Variants in TP53INP2 observed in about 807,000 individuals in gnomAD.
TP53INP2 encodes the protein tumor protein p53-inducible nuclear protein 2.
In TP53INP2, 12 loss-of-function variants were observed where a neutral mutation model predicts 17.1. The ratio of observed to expected loss-of-function variants is 0.70; its 90% CI spans 0.45 to 1.14. TP53INP2 has a LOEUF of 1.14. TP53INP2 is among the 50% of genes most tolerant of loss of function. The pLI, the probability that TP53INP2 is intolerant of heterozygous loss-of-function variation, is 0.00. For missense variants in TP53INP2, 342 were observed against 330.9 expected, an observed-to-expected ratio of 1.03 and a Z score of -0.26; for synonymous variants, 145 against 147.3, an observed-to-expected ratio of 0.98 and a Z score of 0.12.
In TP53INP2 at chr20:34,709,810, G is replaced by A. The variant is rs1161121645; in HGVS notation, c.414-248G>A. 6.6e-6 allele frequency among the ~76,000 whole-genome samples: 1 copy of A among 152,142 alleles called. No homozygotes were observed. Among genetic ancestry groups the A allele is most frequent in the Non-Finnish European group, 1.5e-5 (1 of 68,008 alleles). ...GGAGCGTGGCTGGAGCGCCTAGGGA[G>A]TGGGACTTAAACAGAAAGGCAAGGG... On this transcript the variant is annotated intron_variant, in intron 4 of 4. Coordinates refer to ENST00000374810, the MANE Select transcript of TP53INP2 (RefSeq NM_021202.3). The surrounding 1 kb of genome is among the most constrained non-coding windows in gnomAD (Gnocchi z 5.4).
Position 34,710,004 on chromosome 20 carries a change from T to TGGG in TP53INP2, c.414-54_414-53insGGG. ...AAGGGTGGGAGATGGCAGCGCCCTC[T>TGGG]AGACCCCCCGCCCAGCTTACCCGGC... is the stretch of plus-strand genomic sequence containing the variant. On this transcript the variant is annotated intron_variant, in intron 4 of 4. Transcript: ENST00000374810. This position sits in a 1 kb window ranked among gnomAD's most constrained non-coding sequence, Gnocchi z 4.9. 1 of 497,152 alleles carries TGGG rather than the reference T, an allele frequency of 2.0e-6. No individual in the cohort carries two copies. The highest frequency in any genetic ancestry group is 2.7e-6 in the Non-Finnish European group (1 of 376,024). 30.8% of individuals were successfully genotyped at this position (497,152 alleles called of 1,614,324 possible). A position where few individuals can be genotyped will look rare whatever the true frequency, so the allele number is the denominator to read the frequency against.
At position 34,710,218 on chromosome 20, in the gene TP53INP2, C is replaced by A; in HGVS notation, c.574C>A (p.Gln192Lys). The change falls in exon 5 of 5, where the codon CAG becomes AAG. Residue 192 changes from glutamine to lysine, a missense_variant. By Grantham distance (53) the Gln-to-Lys change is moderately conservative (BLOSUM62 1). Coordinates refer to ENST00000374810, the MANE Select transcript of TP53INP2 (RefSeq NM_021202.3). This position sits in a 1 kb window ranked among gnomAD's most constrained non-coding sequence, Gnocchi z 4.9. The stretch of plus-strand genomic sequence containing the variant: ...GCTGAGCGCCAAGGCGGTGCAGCGG[C>A]AGAACCGAGCCCGCGAGAGCCGTCC... Reference protein sequence around the residue: ...HALSAKAVQRQNRARESRPRR... With the variant: ...HALSAKAVQRKNRARESRPRR... 6.7e-7 allele frequency: 1 copy of A among 1,486,556 alleles called. No individual in the cohort carries two copies. The highest frequency in any genetic ancestry group is 9.0e-7 in the Non-Finnish European group (1 of 1,109,088). The allele number at this position is 1,486,556 out of a possible 1,614,324, so 92.1% of individuals were successfully genotyped here.
In TP53INP2 at chr20:34,709,267, C is replaced by A. The variant is rs1460969807; in HGVS notation, c.156C>A (p.Ala52=). ...ACGCGGCTCCACCCAGCCCCGGGGCCGCCCCTGCCCCCGCGGGCCGCCCTC... is the reference window on the plus strand; with the variant it reads ...ACGCGGCTCCACCCAGCCCCGGGGCAGCCCCTGCCCCCGCGGGCCGCCCTC... ...DSYAAPPSPG[A]APAPAGRPPP... The change falls in exon 4 of 5, where the codon GCC becomes GCA. Residue 52 remains alanine, a synonymous_variant. Coordinates refer to ENST00000374810, the MANE Select transcript of TP53INP2 (RefSeq NM_021202.3). This position sits in a 1 kb window ranked among gnomAD's most constrained non-coding sequence, Gnocchi z 5.4. 6.3e-7 allele frequency: 1 copy of A among 1,590,446 alleles called. No homozygotes were observed. The highest frequency in any genetic ancestry group is 8.6e-7 in the Non-Finnish European group (1 of 1,168,306).
chr20:34,709,696 C>T lies in TP53INP2; in HGVS notation c.413+172C>T, dbSNP rs555104593. ...AGTGGGGGGCCGGTGGGCCTCCGGG[C>T]GAGGCTAGAAGCGGGCCTGAGGACG... is the stretch of plus-strand genomic sequence containing the variant. On this transcript the variant is annotated intron_variant, in intron 4 of 4. Coordinates refer to ENST00000374810, the MANE Select transcript of TP53INP2 (RefSeq NM_021202.3). This position sits in a 1 kb window ranked among gnomAD's most constrained non-coding sequence, Gnocchi z 5.4. Among the ~76,000 whole-genome samples, 17 of 151,344 alleles carry T rather than the reference C, an allele frequency of 1.1e-4. No individual in the cohort carries two copies. The highest frequency in any genetic ancestry group is 2.0e-4 in the Admixed American group (3 of 15,224).
chr20:34,709,520 G>A lies in TP53INP2; in HGVS notation c.409G>A (p.Glu137Lys). Reference sequence around the variant, plus strand: ...GGCCCTGCCTGACGGCGACCTCAGCGAAGGGTGAGCGGGCCGGGGGCGGAG... The same window carrying A: ...GGCCCTGCCTGACGGCGACCTCAGCAAAGGGTGAGCGGGCCGGGGGCGGAG... Reference protein sequence around the residue: ...DAALPDGDLSEGELTPARREP... With the variant: ...DAALPDGDLSKGELTPARREP... Residue 137 changes from glutamate to lysine, a missense_variant, in exon 4 of 5, where the codon GAA becomes AAA. By Grantham distance (56) the Glu-to-Lys change is moderately conservative (BLOSUM62 1). Transcript: ENST00000374810. The surrounding 1 kb of genome is among the most constrained non-coding windows in gnomAD (Gnocchi z 5.4). 3 of 1,606,354 alleles carry A rather than the reference G, an allele frequency of 1.9e-6. No individual in the cohort carries two copies. Among genetic ancestry groups the A allele is most frequent in the Non-Finnish European group, 2.5e-6 (3 of 1,179,350 alleles).
intron 2 of TP53INP2, among the ~76,000 whole-genome samples, chr20:34,707,276 G>T (rs569322406): frequency 6.6e-6 from 1 of 152,280 alleles, no homozygotes; most frequent in South Asian, 2.1e-4. Flanking sequence ...GGGGGTCAGA[G>T]GGGGGAGGGC....
Position 34,711,524 on chromosome 20 carries a change from A to G in TP53INP2, c.*1217A>G, listed in dbSNP as rs1316671564. 6.6e-6 allele frequency: 1 copy of G among 152,160 alleles called. No individual in the cohort carries two copies. Among genetic ancestry groups the G allele is most frequent in the Non-Finnish European group, 1.5e-5 (1 of 68,018 alleles). The allele number at this position is 152,160 out of a possible 1,614,324, so 9.4% of individuals were successfully genotyped here. On this transcript the variant is annotated 3_prime_UTR_variant, in exon 5 of 5. Coordinates refer to ENST00000374810, the MANE Select transcript of TP53INP2 (RefSeq NM_021202.3). This position sits in a 1 kb window ranked among gnomAD's most constrained non-coding sequence, Gnocchi z 4.1. ...GGACTCCCACTGTCTCAATCTGCAA[A>G]TTGTTCCTATCCAGGTTCAGGGCCT...
chr20:34,710,112 C>A lies in TP53INP2; in HGVS notation c.468C>A (p.Leu156=). 3 of 1,265,308 alleles carry A rather than the reference C, an allele frequency of 2.4e-6. No individual in the cohort carries two copies. The highest frequency in any genetic ancestry group is 3.0e-6 in the Non-Finnish European group (3 of 1,009,264). 78.4% of individuals were successfully genotyped at this position (1,265,308 alleles called of 1,614,324 possible). The stretch of plus-strand genomic sequence containing the variant: ...GGGCCGCGCGCCACGCCGCTCCTCT[C>A]CCAGCGCGGGCGGCGCTGCTGGAGA... ...EPRAARHAAP[L]PARAALLEKA... Residue 156 remains leucine, a synonymous_variant, in exon 5 of 5, where the codon CTC becomes CTA. Coordinates refer to ENST00000374810, the MANE Select transcript of TP53INP2 (RefSeq NM_021202.3). This position sits in a 1 kb window ranked among gnomAD's most constrained non-coding sequence, Gnocchi z 4.9.
intron 2 of TP53INP2, among the ~76,000 whole-genome samples, chr20:34,707,291 C>T (rs557951805): frequency 2.6e-5 from 4 of 152,258 alleles, no homozygotes; most frequent in African/African-American, 9.6e-5. Context: ...GAGGGCCTGC[C>T]GGCATGCCAT....
At position 34,709,160 on chromosome 20, in the gene TP53INP2, GGTGTGTGTGTGT is replaced by G. The variant is rs72441151; in HGVS notation, c.125-62_125-51del. The stretch of plus-strand genomic sequence containing the variant: ...CCTTTCTCTCCCCGCCCCCTTGTCC[GGTGTGTGTGTGT>G]GTGTGTGTGTGTGCCTCCTCGCTGC... On this transcript the variant is annotated intron_variant, in intron 3 of 4. Coordinates refer to ENST00000374810, the MANE Select transcript of TP53INP2 (RefSeq NM_021202.3). The surrounding 1 kb of genome is among the most constrained non-coding windows in gnomAD (Gnocchi z 5.4). 4.4e-6 allele frequency: 6 copies of G among 1,360,078 alleles called. No individual in the cohort carries two copies. Among genetic ancestry groups the G allele is most frequent in the African/African-American group, 1.5e-5 (1 of 67,788 alleles). 84.3% of individuals were successfully genotyped at this position (1,360,078 alleles called of 1,614,324 possible). A position where few individuals can be genotyped will look rare whatever the true frequency, so the allele number is the denominator to read the frequency against.
rs757519019 is a variant in TP53INP2, at chr20:34,709,372, T to C, written c.261T>C (p.Gly87=). The change falls in exon 4 of 5, where the codon GGT becomes GGC. Residue 87 remains glycine (G), a synonymous_variant. Coordinates refer to ENST00000374810, the MANE Select transcript of TP53INP2 (RefSeq NM_021202.3). The surrounding 1 kb of genome is among the most constrained non-coding windows in gnomAD (Gnocchi z 5.4). ...TTACGGCAGAGGGGCCTGGACTCGG[T>C]CCCGCCCGCCTCCAGAGCAGTCCCC... ...ACFTAEGPGL[G]PARLQSSPLE... 6.2e-7 allele frequency: 1 copy of C among 1,613,544 alleles called. No homozygotes were observed. Among genetic ancestry groups the C allele is most frequent in the Non-Finnish European group, 8.5e-7 (1 of 1,179,778 alleles).
chr20:34,707,550 C>T (rs73106943), intron 2 of TP53INP2, among the ~76,000 whole-genome samples: 2,531 of 152,298 alleles, frequency 0.017, 32 homozygotes, highest in Middle Eastern at 0.024. Context: ...TTCAGACAGA[C>T]ACCCAGAAAA....
At position 34,712,777 on chromosome 20, in the gene TP53INP2, T is replaced by C. The variant is rs1988238409; in HGVS notation, c.*2470T>C. On this transcript the variant is annotated 3_prime_UTR_variant, in exon 5 of 5. Transcript: ENST00000374810. Reference sequence around the variant, plus strand: ...TGTTTTCTGAGGCCCTAGAGGAGTTTGTATCAATTTGTGAGTATTAATGTC... The same window carrying C: ...TGTTTTCTGAGGCCCTAGAGGAGTTCGTATCAATTTGTGAGTATTAATGTC... 1 of 152,560 alleles carries C rather than the reference T, an allele frequency of 6.6e-6. No individual in the cohort carries two copies. Among genetic ancestry groups the C allele is most frequent in the African/African-American group, 2.4e-5 (1 of 41,414 alleles). 9.5% of individuals were successfully genotyped at this position (152,560 alleles called of 1,614,324 possible).
chr20:34,707,669 C>T (rs1024654610), intron 2 of TP53INP2, among the ~76,000 whole-genome samples: 1 of 152,212 alleles, frequency 6.6e-6, no homozygotes, highest in Non-Finnish European at 1.5e-5. Flanking sequence ...GTTAACTTCT[C>T]TGAGCCTCAA....
rs753900069 is a variant in TP53INP2 at position 34,709,482 on chromosome 20, C to A, written c.371C>A (p.Pro124Gln). The A allele has an allele frequency of 3.1e-6, 5 of 1,612,160 alleles. No homozygotes were observed. The highest frequency in any genetic ancestry group is 1.7e-5 in the Admixed American group (1 of 59,992). ...GTGCTAGAGCCCGGGTCCCCTTCCCCGCTCCCGGACGCGGCCCTGCCTGAC... is the reference window on the plus strand; with the variant it reads ...GTGCTAGAGCCCGGGTCCCCTTCCCAGCTCCCGGACGCGGCCCTGCCTGAC... ...TIVLEPGSPS[P>Q]LPDAALPDGD... is the part of the protein sequence containing the mutation. Residue 124 changes from proline to glutamine, a missense_variant, in exon 4 of 5, where the codon CCG becomes CAG. Pro to Gln is a moderately conservative substitution (Grantham distance 76). Coordinates refer to ENST00000374810, the MANE Select transcript of TP53INP2 (RefSeq NM_021202.3). This position sits in a 1 kb window ranked among gnomAD's most constrained non-coding sequence, Gnocchi z 5.4.
chr20:34,712,360 G>T lies in TP53INP2; in HGVS notation c.*2053G>T, dbSNP rs137866411. 7.1e-4 allele frequency: 108 copies of T among 152,780 alleles called. No homozygotes were observed. The highest frequency in any genetic ancestry group is 2.5e-3 in the African/African-American group (103 of 41,546). The allele number at this position is 152,780 out of a possible 1,614,324, so 9.5% of individuals were successfully genotyped here. On this transcript the variant is annotated 3_prime_UTR_variant, in exon 5 of 5. Coordinates refer to ENST00000374810, the MANE Select transcript of TP53INP2 (RefSeq NM_021202.3). Reference sequence around the variant, plus strand: ...GCCCATGATCCTTCTGGTGGGGGAAGAGTTTAAGTTATAGGGCATTTGGCT... The same window carrying T: ...GCCCATGATCCTTCTGGTGGGGGAATAGTTTAAGTTATAGGGCATTTGGCT...
chr20:34,710,367 A>G lies in TP53INP2; in HGVS notation c.*60A>G. 7.9e-7 allele frequency: 1 copy of G among 1,266,212 alleles called. No homozygotes were observed. The highest frequency in any genetic ancestry group is 1.0e-6 in the Non-Finnish European group (1 of 1,000,674). 78.4% of individuals were successfully genotyped at this position (1,266,212 alleles called of 1,614,324 possible). ...TCCCGATCCCTGTCGGGCTCCTCCG[A>G]CTCCTCGGGCTGGACACCGAAACCT... On this transcript the variant is annotated 3_prime_UTR_variant, in exon 5 of 5. Transcript: ENST00000374810. This position sits in a 1 kb window ranked among gnomAD's most constrained non-coding sequence, Gnocchi z 4.9.
Position 34,709,651 on chromosome 20 carries a change from G to T in TP53INP2, c.413+127G>T. On this transcript the variant is annotated intron_variant, in intron 4 of 4. Coordinates refer to ENST00000374810, the MANE Select transcript of TP53INP2 (RefSeq NM_021202.3). This position sits in a 1 kb window ranked among gnomAD's most constrained non-coding sequence, Gnocchi z 5.4. ...GCGCTCGAGGGGGTAGCGGCCTTGG[G>T]AGGGTTGCCTTTGAGACAAAGTGGG... The T allele has an allele frequency of 1.4e-6, 2 of 1,438,896 alleles. No homozygotes were observed. The highest frequency in any genetic ancestry group is 1.8e-6 in the Non-Finnish European group (2 of 1,102,920). 89.1% of individuals were successfully genotyped at this position (1,438,896 alleles called of 1,614,324 possible). A position where few individuals can be genotyped will look rare whatever the true frequency, so the allele number is the denominator to read the frequency against.
In TP53INP2 at chr20:34,709,586, A is replaced by G; in HGVS notation, c.413+62A>G. ...AGACGGATCTTGGAGGCCAGGGTCCAGGCTAGGAGGCTGGGGTAGTGGGGC... is the reference window on the plus strand; with the variant it reads ...AGACGGATCTTGGAGGCCAGGGTCCGGGCTAGGAGGCTGGGGTAGTGGGGC... On this transcript the variant is annotated intron_variant, in intron 4 of 4. Transcript: ENST00000374810. The surrounding 1 kb of genome is among the most constrained non-coding windows in gnomAD (Gnocchi z 5.4). 6.6e-7 allele frequency: 1 copy of G among 1,513,776 alleles called. No homozygotes were observed. The highest frequency in any genetic ancestry group is 8.8e-7 in the Non-Finnish European group (1 of 1,138,390). 93.8% of individuals were successfully genotyped at this position (1,513,776 alleles called of 1,614,324 possible).
Sources: allele counts gnomAD v4.1 joint callset (sites outside exome capture counted in the v4.1 genomes callset), GRCh38; gene constraint gnomAD v4.1.1; non-coding constraint Gnocchi (gnomAD v3.1); transcripts MANE v1.5; gene names NCBI Gene and HGNC (gene_info 2026-07-23, HGNC 2026-07-21).